Variants in METTL14 observed in about 807,000 individuals in gnomAD.
The protein encoded by METTL14 is N(6)-adenosine-methyltransferase non-catalytic subunit METTL14.
Under a neutral mutation model 62.4 loss-of-function variants are expected in METTL14, and 32 were observed. The observed-to-expected ratio is 0.51, with a 90% CI of 0.39 to 0.69. METTL14 has a LOEUF of 0.69. Among genes scored for constraint, METTL14 ranks in the 30% least tolerant of loss-of-function variants. The pLI is 0.00. For synonymous variants in METTL14, 150 were observed against 180.0 expected, an observed-to-expected ratio of 0.83 and a Z score of 1.34; for missense variants, 340 against 551.9, an observed-to-expected ratio of 0.62 and a Z score of 3.85.
chr4:118,696,117 CAAAAAAAAAAAAAA>C (rs70941201), intron 6 of METTL14, among the ~76,000 whole-genome samples: 3 of 33,910 alleles, frequency 8.8e-5, no homozygotes, highest in Admixed American at 4.7e-4. Flanking sequence ...GACTCTGTCT[CAAAAAAAAAAAAAA>C]AAAAAAAAAA....
At position 118,691,348 on chromosome 4, in the gene METTL14, T is replaced by A. The variant is rs183373734; in HGVS notation, c.244-184T>A. 5.4e-3 allele frequency among the ~76,000 whole-genome samples: 827 copies of A among 152,286 alleles called. 6 individuals are homozygous for A. Among genetic ancestry groups the A allele is most frequent in the African/African-American group, 0.018 (762 of 41,568 alleles). On this transcript the variant is annotated intron_variant, in intron 3 of 10. Coordinates refer to ENST00000388822, the MANE Select transcript of METTL14 (RefSeq NM_020961.4). ...AATTATTTATGATAGGAAATTTTTT[T>A]ATGAAAATAATCAGCTAGCTAGATC...
intron 6 of METTL14, among the ~76,000 whole-genome samples, chr4:118,694,897 G>A (rs889093729): frequency 1.3e-5 from 2 of 152,046 alleles, no homozygotes; most frequent in African/African-American, 4.8e-5. Flanking sequence ...CGCCCCCTGG[G>A]TTCAAGTGAT....
chr4:118,687,794 T>G, intron 1 of METTL14, 129 bp from the exon 2 acceptor site: 1 of 629,756 alleles, frequency 1.6e-6, no homozygotes, highest in East Asian at 3.0e-5. Flanking sequence ...TTGTTTTGTG[T>G]GTGTGTGTGT....
chr4:118,710,520 G>A lies in METTL14; in HGVS notation c.*218G>A, dbSNP rs974922941. 3 of 505,862 alleles carry A rather than the reference G, an allele frequency of 5.9e-6. No homozygotes were observed. The highest frequency in any genetic ancestry group is 1.0e-5 in the Non-Finnish European group (3 of 286,520). The allele number at this position is 505,862 out of a possible 1,614,324, so 31.3% of individuals were successfully genotyped here. On this transcript the variant is annotated 3_prime_UTR_variant, in exon 11 of 11. Transcript: ENST00000388822. The stretch of plus-strand genomic sequence containing the variant: ...AATGATTCTGCCTTTTGTTATGTGC[G>A]TGAACAGAATGGAACAACTCAAGTA...
chr4:118,694,389 T>G (rs57581623), intron 5 of METTL14, 47 bp from the exon 6 acceptor site: 278,784 of 1,477,222 alleles, frequency 0.19, 27,565 homozygotes, highest in Non-Finnish European at 0.2. Context: ...TTACTGATAT[T>G]AACTTCAGTT....
At position 118,694,855 on chromosome 4, in the gene METTL14, G is replaced by A. The variant is rs540557278; in HGVS notation, c.503+329G>A. On this transcript the variant is annotated intron_variant, in intron 6 of 10. Coordinates refer to ENST00000388822, the MANE Select transcript of METTL14 (RefSeq NM_020961.4). ...TGTTGTCCAGGCTAGAGTGTGGAGT[G>A]TAGTGGCGCAATCTTGGCTCACTGC... is the stretch of plus-strand genomic sequence containing the variant. Among the ~76,000 whole-genome samples the A allele has an allele frequency of 2.6e-5, 4 of 152,128 alleles. No individual in the cohort carries two copies. The South Asian group carries it at 8.3e-4, about 32-fold the overall frequency.
At chr4:118,687,566 G>A (rs1049441150) in intron 1 of METTL14, among the ~76,000 whole-genome samples, 1 of 152,084 alleles carries the variant, frequency 6.6e-6, no homozygotes, top group African/African-American at 2.4e-5. Context: ...CATCATAAGT[G>A]GAAAATATTG....
At position 118,710,411 on chromosome 4, in the gene METTL14, T is replaced by A; in HGVS notation, c.*109T>A. On this transcript the variant is annotated 3_prime_UTR_variant, in exon 11 of 11. Coordinates refer to ENST00000388822, the MANE Select transcript of METTL14 (RefSeq NM_020961.4). Reference sequence around the variant, plus strand: ...CTCACTTCCAGCTTGCACTTTGCTTTAATTTCTCTGAGCTGCAAGAATGTC... The same window carrying A: ...CTCACTTCCAGCTTGCACTTTGCTTAAATTTCTCTGAGCTGCAAGAATGTC... The A allele has an allele frequency of 9.0e-7, 1 of 1,107,386 alleles. No individual in the cohort carries two copies. The highest frequency in any genetic ancestry group is 1.3e-6 in the Non-Finnish European group (1 of 788,684). The allele number at this position is 1,107,386 out of a possible 1,614,324, so 68.6% of individuals were successfully genotyped here. A position where few individuals can be genotyped will look rare whatever the true frequency, so the allele number is the denominator to read the frequency against.
intron 10 of METTL14, among the ~76,000 whole-genome samples, chr4:118,707,915 C>T (rs888863159): frequency 1.3e-5 from 2 of 151,414 alleles, no homozygotes; most frequent in South Asian, 2.1e-4. Context: ...CTCACTGCAA[C>T]CCCCGCCTCC....
rs1475301480 is a variant in METTL14 at position 118,712,502 on chromosome 4, C to T, written c.*2200C>T. 1 of 152,186 alleles carries T rather than the reference C, an allele frequency of 6.6e-6. No individual in the cohort carries two copies. The highest frequency in any genetic ancestry group is 2.4e-5 in the African/African-American group (1 of 41,434). The allele number at this position is 152,186 out of a possible 1,614,324, so 9.4% of individuals were successfully genotyped here. On this transcript the variant is annotated 3_prime_UTR_variant, in exon 11 of 11. Transcript: ENST00000388822. ...GTGGTGGCATGTGCACGCCTGTAATCCCCGCTACTCGGGAGGCTGTGGCAG... is the reference window on the plus strand; with the variant it reads ...GTGGTGGCATGTGCACGCCTGTAATTCCCGCTACTCGGGAGGCTGTGGCAG...
At chr4:118,705,381 G>A (rs190103001) in intron 9 of METTL14, among the ~76,000 whole-genome samples, 95 of 152,272 alleles carry the variant, frequency 6.2e-4, no homozygotes, top group Non-Finnish European at 1.1e-3. Flanking sequence ...AGGCTGAGGC[G>A]GGGGATTGCT....
chr4:118,701,343 C>G (rs1189963541), intron 8 of METTL14, among the ~76,000 whole-genome samples: 1 of 151,386 alleles, frequency 6.6e-6, no homozygotes, highest in African/African-American at 2.4e-5. Context: ...ACACCACCAC[C>G]CCTGGCTAAT....
intron 3 of METTL14, among the ~76,000 whole-genome samples, chr4:118,690,668 A>C (rs1724218664): frequency 6.9e-6 from 1 of 144,644 alleles, no homozygotes. Context: ...CAACAGAGTG[A>C]CTCTGTCTCA....
intron 8 of METTL14, among the ~76,000 whole-genome samples, chr4:118,701,854 ATATTCTT>A (rs1347923583): frequency 3.9e-5 from 6 of 152,158 alleles, no homozygotes; most frequent in African/African-American, 1.4e-4. Flanking sequence ...CAATTACTGT[ATATTCTT>A]TATATAAATA....
intron 8 of METTL14, among the ~76,000 whole-genome samples, 199 bp downstream of exon 8, chr4:118,700,841 G>A (rs1724567982): frequency 1.3e-5 from 2 of 152,152 alleles, no homozygotes; most frequent in South Asian, 2.1e-4. Context: ...GCACTAGGGA[G>A]GAATGTGTAG....
chr4:118,689,530 A>G (rs1724180540), intron 3 of METTL14, 73 bp downstream of exon 3: 3 of 832,942 alleles, frequency 3.6e-6, no homozygotes, highest in Non-Finnish European at 5.6e-6. Flanking sequence ...ATCCAGGAAA[A>G]CAAATTTGAT....
At chr4:118,691,209 T>C (rs1724235893) in intron 3 of METTL14, among the ~76,000 whole-genome samples, 1 of 152,340 alleles carries the variant, frequency 6.6e-6, no homozygotes, top group Admixed American at 6.5e-5. Flanking sequence ...CAGTTTCATA[T>C]TGCAACATTG....
chr4:118,701,618 CTT>C (rs990829539), intron 8 of METTL14, among the ~76,000 whole-genome samples: 1 of 152,158 alleles, frequency 6.6e-6, no homozygotes, highest in African/African-American at 2.4e-5. Context: ...AACAGTAAGA[CTT>C]TGGGCAAAAA....
At chr4:118,706,205 C>T (rs1724752368) in intron 10 of METTL14, among the ~76,000 whole-genome samples, 2 of 152,192 alleles carry the variant, frequency 1.3e-5, no homozygotes, top group Non-Finnish European at 2.9e-5. Context: ...ATTATAGGAT[C>T]ATACTCAATA....
Sources: gnomAD v4.1 joint callset for allele counts (sites outside exome capture counted in the v4.1 genomes callset) on GRCh38, gnomAD v4.1.1 for gene constraint, MANE v1.5 for transcripts, NCBI Gene and HGNC (gene_info 2026-07-23, HGNC 2026-07-21) for gene names.